KIAA1217: variants seen among roughly 807,000 people sequenced by gnomAD.
KIAA1217 encodes the protein KIAA1217, also known as sickle tail protein homolog.
A neutral mutation model predicts 163.9 loss-of-function variants in KIAA1217; 88 were observed. The ratio of observed to expected loss-of-function variants is 0.54; its 90% confidence interval spans 0.45 to 0.64. The LOEUF (loss-of-function observed/expected upper bound fraction) is 0.64, where lower values mean the gene tolerates loss of function less well. Among genes scored for constraint, KIAA1217 ranks in the 30% least tolerant of loss-of-function variants. KIAA1217 has a pLI of 0.00. For missense variants in KIAA1217, 2,372 were observed against 2,475.0 expected, an observed-to-expected ratio of 0.96 and a Z score of 0.88; for synonymous variants, 903 against 923.1, an observed-to-expected ratio of 0.98 and a Z score of 0.39.
intron 2 of KIAA1217, among the ~76,000 whole-genome samples, chr10:24,062,274 G>A (rs1485537383): frequency 7.2e-6 from 1 of 139,316 alleles, no homozygotes; most frequent in Non-Finnish European, 1.6e-5. Flanking sequence ...ATCTCCTAAT[G>A]CTATCCCTCC....
intron 14 of KIAA1217, among the ~76,000 whole-genome samples, chr10:24,529,224 G>A (rs1250915347): frequency 6.6e-6 from 1 of 152,094 alleles, no homozygotes; most frequent in Non-Finnish European, 1.5e-5. Context: ...GACTCCCATT[G>A]GATACCAAAA....
At chr10:23,811,170 T>A (rs1837028892) in intron 1 of KIAA1217, among the ~76,000 whole-genome samples, 1 of 142,132 alleles carries the variant, frequency 7.0e-6, no homozygotes, top group Admixed American at 7.3e-5. Flanking sequence ...ATGTATACTA[T>A]ACATATATAC....
intron 3 of KIAA1217, among the ~76,000 whole-genome samples, chr10:24,395,681 C>CT (rs914100541): frequency 1.3e-5 from 2 of 152,042 alleles, no homozygotes; most frequent in Non-Finnish European, 2.9e-5. Context: ...ATGTAGGAGC[C>CT]TTTTTTTAAG....
At chr10:23,907,922 G>A (rs1453495374) in intron 1 of KIAA1217, among the ~76,000 whole-genome samples, 1 of 151,756 alleles carries the variant, frequency 6.6e-6, no homozygotes, top group Admixed American at 6.6e-5. Flanking sequence ...ACATTCAAGA[G>A]TAAAGGGGAA....
At chr10:24,008,998 C>G (rs1589227668) in intron 2 of KIAA1217, among the ~76,000 whole-genome samples, 1 of 152,174 alleles carries the variant, frequency 6.6e-6, no homozygotes, top group Admixed American at 6.5e-5. Context: ...AAGAGTCAAC[C>G]TTTTATGGAT....
intron 1 of KIAA1217, among the ~76,000 whole-genome samples, chr10:23,797,472 C>T (rs905828909): frequency 2.0e-5 from 3 of 152,106 alleles, no homozygotes; most frequent in Non-Finnish European, 2.9e-5. Flanking sequence ...TTAGCCTGTT[C>T]TCACACTGCT....
chr10:24,418,647 A>G (rs141522894), intron 3 of KIAA1217, among the ~76,000 whole-genome samples: 1,831 of 152,304 alleles, frequency 0.012, 15 homozygotes, highest in Non-Finnish European at 0.017. Flanking sequence ...GTTTCTCACT[A>G]AAGTCCATAA....
rs1175343469 is a variant in KIAA1217 at position 24,547,292 on chromosome 10, G to C, written c.*968G>C. The C allele has an allele frequency of 6.6e-6, 1 of 152,348 alleles. No individual in the cohort carries two copies. The highest frequency in any genetic ancestry group is 6.6e-5 in the Admixed American group (1 of 15,262). 9.4% of individuals were successfully genotyped at this position (152,348 alleles called of 1,614,324 possible). A position where few individuals can be genotyped will look rare whatever the true frequency, so the allele number is the denominator to read the frequency against. On this transcript the variant is annotated 3_prime_UTR_variant, in exon 21 of 21. Coordinates refer to ENST00000376454, the MANE Select transcript of KIAA1217 (RefSeq NM_019590.5). ...CATAGAGTAGTTTTCCCACACCAAA[G>C]TTAATTTTTATGCATGCTTTAAAAG...
In KIAA1217 at chr10:24,324,965, G is replaced by A. The variant is rs778074986; in HGVS notation, c.355-55904G>A. On this transcript the variant is annotated intron_variant, in intron 2 of 20. Transcript: ENST00000376454. ...CATGAACTTGACCCCTTAGATACTG[G>A]CAGTGAAGAGCTTGAGTTAAAAAAG... Among the ~76,000 whole-genome samples, 4 of 152,118 alleles carry A rather than the reference G, an allele frequency of 2.6e-5. No homozygotes were observed. The East Asian group carries it at 7.7e-4, about 29-fold the overall frequency.
chr10:24,080,966 G>A (rs1445889296), intron 2 of KIAA1217, among the ~76,000 whole-genome samples: 4 of 152,132 alleles, frequency 2.6e-5, no homozygotes, highest in Admixed American at 6.6e-5. Context: ...AGGAGTTAAC[G>A]TGTCACACAA....
chr10:24,289,765 G>A (rs924695931), intron 2 of KIAA1217, among the ~76,000 whole-genome samples: 1 of 152,112 alleles, frequency 6.6e-6, no homozygotes, highest in Non-Finnish European at 1.5e-5. Flanking sequence ...GCAACACAGT[G>A]TGGGAACAGG....
chr10:24,459,760 A>C (rs2062175086), intron 5 of KIAA1217, among the ~76,000 whole-genome samples: 1 of 139,990 alleles, frequency 7.1e-6, no homozygotes, highest in Non-Finnish European at 1.5e-5. Flanking sequence ...TTAGCTCTAC[A>C]AAAAAAAAAA....
intron 2 of KIAA1217, among the ~76,000 whole-genome samples, chr10:24,155,304 G>A (rs1461529955): frequency 6.6e-6 from 1 of 152,078 alleles, no homozygotes; most frequent in Non-Finnish European, 1.5e-5. Flanking sequence ...CTCTGAGTTG[G>A]GCAACTTGGA....
chr10:24,187,633 A>G (rs12253899), intron 2 of KIAA1217, among the ~76,000 whole-genome samples: 1,932 of 152,244 alleles, frequency 0.013, 39 homozygotes, highest in African/African-American at 0.043. Context: ...TCTCACGCCT[A>G]TAATCCCAGC....
chr10:24,433,230 C>T (rs963973899), intron 4 of KIAA1217, 37 bp downstream of exon 4: 6 of 1,522,708 alleles, frequency 3.9e-6, no homozygotes, highest in Admixed American at 1.9e-5. Context: ...GCCATTTTGC[C>T]TTAGAGTTTT....
intron 6 of KIAA1217, among the ~76,000 whole-genome samples, chr10:24,485,032 C>T (rs2065204475): frequency 6.6e-6 from 1 of 150,804 alleles, no homozygotes; most frequent in South Asian, 2.1e-4. Flanking sequence ...ATTGTGCATG[C>T]GGGGAACACC....
At chr10:24,353,232 T>G (rs2048677603) in intron 2 of KIAA1217, among the ~76,000 whole-genome samples, 1 of 152,214 alleles carries the variant, frequency 6.6e-6, no homozygotes, top group African/African-American at 2.4e-5. Flanking sequence ...AGTGTCACCT[T>G]AATATCCATT....
intron 2 of KIAA1217, among the ~76,000 whole-genome samples, chr10:24,247,160 A>G (rs2073914131): frequency 6.8e-6 from 1 of 146,352 alleles, no homozygotes; most frequent in Admixed American, 7.0e-5. Context: ...TTCATTATGA[A>G]ACTCTTTTTT....
At chr10:24,339,666 A>G (rs1173854069) in intron 2 of KIAA1217, among the ~76,000 whole-genome samples, 1 of 152,252 alleles carries the variant, frequency 6.6e-6, no homozygotes, top group African/African-American at 2.4e-5. Flanking sequence ...GTTTTACAAG[A>G]GAGGAAATAA....
Sources: allele counts gnomAD v4.1 joint callset (sites outside exome capture counted in the v4.1 genomes callset), GRCh38; gene constraint gnomAD v4.1.1; transcripts MANE v1.5; gene names NCBI Gene and HGNC (gene_info 2026-07-23, HGNC 2026-07-21).